ZNF451: variants seen among roughly 807,000 people sequenced by gnomAD.
ZNF451 encodes E3 SUMO-protein ligase ZNF451.
In ZNF451, 80 loss-of-function variants were observed where a neutral mutation model predicts 107.1. The ratio of observed to expected loss-of-function variants is 0.75; its 90% CI spans 0.62 to 0.90. The LOEUF (loss-of-function observed/expected upper bound fraction) is 0.90, where lower values mean the gene tolerates loss of function less well. ZNF451 is among the 40% of genes least tolerant of loss of function. The probability of loss-of-function intolerance (pLI) is 0.00; values close to 1 mark genes in which losing one functional copy is unlikely to be tolerated. For missense variants in ZNF451, 1,107 were observed against 1,236.2 expected, an observed-to-expected ratio of 0.90 and a Z score of 1.57; for synonymous variants, 362 against 406.5, an observed-to-expected ratio of 0.89 and a Z score of 1.32.
chr6:57,167,910 G>A (rs1331311013), intron 14 of ZNF451, among the ~76,000 whole-genome samples: 1 of 152,142 alleles, frequency 6.6e-6, no homozygotes, highest in Non-Finnish European at 1.5e-5. Context: ...CTTCTCAGAT[G>A]ACATTTATGT....
In ZNF451 at chr6:57,104,134, A is replaced by C. The variant is rs540711832; in HGVS notation, c.186+4993A>C. On this transcript the variant is annotated intron_variant, in intron 3 of 14. Coordinates refer to ENST00000370706, the MANE Select transcript of ZNF451 (RefSeq NM_001031623.3). ...AAAATTTTATTTCCACTTCTGTAGA[A>C]ATAGGTCCATGCCAGTGTTCTCTAC... 3 of 984,916 alleles carry C rather than the reference A, an allele frequency of 3.0e-6. No individual in the cohort carries two copies. In the East Asian group the frequency reaches 3.4e-4, roughly 112 times the overall value. 61.0% of individuals were successfully genotyped at this position (984,916 alleles called of 1,614,324 possible).
At chr6:57,167,182 TACACAC>T (rs397975599) in intron 14 of ZNF451, among the ~76,000 whole-genome samples, 20 of 149,838 alleles carry the variant, frequency 1.3e-4, no homozygotes, top group East Asian at 9.7e-4. Flanking sequence ...CGTATATATA[TACACAC>T]ACACACACAC....
Position 57,128,759 on chromosome 6 carries a change from T to C in ZNF451, c.343T>C (p.Leu115=). 1 of 1,612,576 alleles carries C rather than the reference T, an allele frequency of 6.2e-7. No individual in the cohort carries two copies. The highest frequency in any genetic ancestry group is 2.2e-5 in the East Asian group (1 of 44,762). The change falls in exon 5 of 15, where the codon TTA becomes CTA. Residue 115 remains leucine (L), a synonymous_variant. Coordinates refer to ENST00000370706, the MANE Select transcript of ZNF451 (RefSeq NM_001031623.3). Reference sequence around the variant, plus strand: ...AATTGATTTTCAGCATGCTCATGGGTTACAAGAATTGGAATTTATTCGAGG... The same window carrying C: ...AATTGATTTTCAGCATGCTCATGGGCTACAAGAATTGGAATTTATTCGAGG... The part of the protein sequence containing the change: ...EKIDFQHAHG[L]QELEFIRGHS...
chr6:57,150,842 CATTT>C lies in ZNF451; in HGVS notation c.2737_2740del (p.Ile913GlyfsTer22). ...CTACCAGGGCATCTAAACCAAGGAA[CATTT>C]ATTTGGGGCTTTCAAGGTACGGTTA... On this transcript the variant is annotated frameshift_variant, in exon 11 of 15. Transcript: ENST00000370706. LOFTEE classifies it high-confidence loss of function. 1 of 1,613,938 alleles carries C rather than the reference CATTT, an allele frequency of 6.2e-7. No homozygotes were observed. The highest frequency in any genetic ancestry group is 8.5e-7 in the Non-Finnish European group (1 of 1,179,956).
In ZNF451 at chr6:57,129,462, C is replaced by T. The variant is rs372795887; in HGVS notation, c.424+622C>T. 7.8e-4 allele frequency among the ~76,000 whole-genome samples: 119 copies of T among 152,196 alleles called. 1 individual carries two copies. The East Asian group carries it at 0.013, about 17-fold the overall frequency. On this transcript the variant is annotated intron_variant, in intron 5 of 14. Transcript: ENST00000370706. ...CTTGTCTTGAAGAATATCTACTGAG[C>T]CTTTAAAGAGTTAGGATATCCACAG...
At chr6:57,102,405 A>G in intron 3 of ZNF451, 1 of 1,042,824 alleles carries the variant, frequency 9.6e-7, no homozygotes, top group Non-Finnish European at 1.2e-6. Flanking sequence ...TCTTGTGATT[A>G]AAGAAAAATA....
chr6:57,124,291 C>T (rs1830803197), intron 3 of ZNF451: 1 of 623,904 alleles, frequency 1.6e-6, no homozygotes, highest in East Asian at 2.7e-5. Flanking sequence ...CTGGCTCCCC[C>T]TGGAGTTTTT....
intron 2 of ZNF451, 89 bp from the exon 3 acceptor site, chr6:57,098,972 G>A: frequency 1.0e-6 from 1 of 978,768 alleles, no homozygotes; most frequent in Non-Finnish European, 1.6e-6. Context: ...ATTCTTGCCA[G>A]TCCCAACCAA....
intron 8 of ZNF451, 106 bp from the exon 9 acceptor site, chr6:57,141,842 C>A: frequency 1.0e-6 from 1 of 968,364 alleles, no homozygotes; most frequent in Non-Finnish European, 1.5e-6. Flanking sequence ...AAATAACTGT[C>A]TTCTTTTACT....
intron 13 of ZNF451, chr6:57,159,242 T>C: frequency 1.3e-5 from 13 of 985,456 alleles, no homozygotes; most frequent in Non-Finnish European, 1.6e-5. Flanking sequence ...CAACCCCATG[T>C]CAAGTTAATC....
intron 3 of ZNF451, chr6:57,102,294 G>T (rs1280003646): frequency 7.8e-7 from 1 of 1,282,114 alleles, no homozygotes; most frequent in Admixed American, 3.7e-5. Flanking sequence ...TATTGGCCAA[G>T]TGAGCAGTGG....
At chr6:57,105,749 C>T in intron 3 of ZNF451, 1 of 985,316 alleles carries the variant, frequency 1.0e-6, no homozygotes, top group Non-Finnish European at 1.2e-6. Context: ...CATGATAACA[C>T]AACTTATATT....
At chr6:57,109,177 T>G (rs1026139384) in intron 3 of ZNF451, 6 of 985,294 alleles carry the variant, frequency 6.1e-6, no homozygotes, top group Non-Finnish European at 7.2e-6. Context: ...ACTAAGATTA[T>G]TCTTGATTCG....
At chr6:57,111,939 TTG>T (rs753549925) in intron 3 of ZNF451, among the ~76,000 whole-genome samples, 17 of 151,952 alleles carry the variant, frequency 1.1e-4, no homozygotes, top group Non-Finnish European at 2.2e-4. Context: ...TCTGTGTACT[TTG>T]TATTTGTAAA....
chr6:57,133,535 A>G (rs185342552), intron 6 of ZNF451, among the ~76,000 whole-genome samples: 40 of 152,348 alleles, frequency 2.6e-4, no homozygotes, highest in African/African-American at 8.7e-4. Context: ...AGGAGCGTGT[A>G]CAGACATTTG....
chr6:57,106,465 AC>A (rs1829864929), intron 3 of ZNF451: 1 of 547,548 alleles, frequency 1.8e-6, no homozygotes, highest in African/African-American at 2.1e-5. Context: ...TGTCACCATG[AC>A]CTGCTAATTT....
chr6:57,153,973 A>G lies in ZNF451; in HGVS notation c.2996A>G (p.His999Arg). Residue 999 changes from histidine to arginine, a missense_variant, in exon 13 of 15, where the codon CAT (histidine) becomes CGT (arginine). Physicochemically the swap from His to Arg is conservative, Grantham distance 29. Transcript: ENST00000370706. ...TTTAAGAAGACTCAGAGGCCAGCTC[A>G]TATACTAAACCCTCACCACTTAGAG... is the stretch of plus-strand genomic sequence containing the variant. Reference protein sequence around the residue: ...NQFKKTQRPAHILNPHHLEGD... With the variant: ...NQFKKTQRPARILNPHHLEGD... The G allele has an allele frequency of 6.2e-7, 1 of 1,614,192 alleles. No homozygotes were observed.
At chr6:57,158,468 T>A (rs1763531054) in intron 13 of ZNF451, 1 of 979,570 alleles carries the variant, frequency 1.0e-6, no homozygotes, top group African/African-American at 1.8e-5. Context: ...GCATTCTAAT[T>A]TCTTTAGGAT....
intron 3 of ZNF451, chr6:57,100,568 CTTCCTTGGTT>C: frequency 6.9e-7 from 1 of 1,446,010 alleles, no homozygotes; most frequent in Non-Finnish European, 9.1e-7. Context: ...TATTTTTTTT[CTTCCTTGGTT>C]TTCTTGTTCA....
Sources: gnomAD v4.1 joint callset for allele counts (sites outside exome capture counted in the v4.1 genomes callset) on GRCh38, gnomAD v4.1.1 for gene constraint, MANE v1.5 for transcripts, NCBI Gene and HGNC (gene_info 2026-07-23, HGNC 2026-07-21) for gene names.